Variants in ARHGAP25 observed in about 807,000 individuals in gnomAD.
The protein encoded by ARHGAP25 is Rho GTPase activating protein 25.
A neutral mutation model predicts 71.0 loss-of-function variants in ARHGAP25; 34 were observed. The observed-to-expected ratio is 0.48, with a 90% CI of 0.36 to 0.64. The LOEUF is 0.64. Among genes scored for constraint, ARHGAP25 ranks in the 30% least tolerant of loss-of-function variants. The pLI, the probability that ARHGAP25 is intolerant of heterozygous loss-of-function variation, is 0.00. For synonymous variants in ARHGAP25, 282 were observed against 296.5 expected, an observed-to-expected ratio of 0.95 and a Z score of 0.50; for missense variants, 706 against 805.1, an observed-to-expected ratio of 0.88 and a Z score of 1.49.
At chr2:68,737,997 A>G (rs1330144045) in intron 1 of ARHGAP25, among the ~76,000 whole-genome samples, 1 of 152,164 alleles carries the variant, frequency 6.6e-6, no homozygotes, top group Non-Finnish European at 1.5e-5. Context: ...AGTCTGACAG[A>G]TTTTCATGCA....
chr2:68,802,052 A>G (rs1350559259), intron 4 of ARHGAP25, among the ~76,000 whole-genome samples: 1 of 152,232 alleles, frequency 6.6e-6, no homozygotes, highest in Non-Finnish European at 1.5e-5. Flanking sequence ...TTGCAAAAGA[A>G]ACCATTATAA....
intron 2 of ARHGAP25, among the ~76,000 whole-genome samples, chr2:68,715,231 G>T (rs982207192): frequency 3.3e-5 from 5 of 152,182 alleles, no homozygotes; most frequent in African/African-American, 1.2e-4. Flanking sequence ...TGAAAAGTTG[G>T]TAGAAATGCA....
At chr2:68,733,053 G>A (rs1416490271), upstream of ARHGAP25, among the ~76,000 whole-genome samples, 1 of 152,206 alleles carries the variant, frequency 6.6e-6, no homozygotes, top group Non-Finnish European at 1.5e-5. Context: ...AGGTGTGAGT[G>A]TGGATGGAAA....
Position 68,794,123 on chromosome 2 carries a change from C to G in ARHGAP25, c.466+6167C>G, listed in dbSNP as rs771547464. Among the ~76,000 whole-genome samples, 92 of 152,034 alleles carry G rather than the reference C, an allele frequency of 6.1e-4. 1 individual carries two copies. The highest frequency in any genetic ancestry group is 2.2e-4 in the Non-Finnish European group (15 of 67,988). ...TGATTTTTGTATGTTGATTTTATAT[C>G]CTGAAACTTTACTGAAAGCATTTAT... is the stretch of plus-strand genomic sequence containing the variant. On this transcript the variant is annotated intron_variant, in intron 4 of 10. Coordinates refer to ENST00000409202, the MANE Select transcript of ARHGAP25 (RefSeq NM_001007231.3).
chr2:68,814,071 C>A (rs1681025677), intron 6 of ARHGAP25, among the ~76,000 whole-genome samples: 1 of 152,084 alleles, frequency 6.6e-6, no homozygotes, highest in South Asian at 2.1e-4. Flanking sequence ...GAAACCCAAC[C>A]AACAACAATA....
chr2:68,821,092 C>CTTTTTTTTTTTTTTTTTTTTTTT (rs34119311), intron 9 of ARHGAP25, among the ~76,000 whole-genome samples: 3 of 99,452 alleles, frequency 3.0e-5, no homozygotes, highest in African/African-American at 1.2e-4. Flanking sequence ...CTTTTTCTTT[C>CTTTTTTTTTTTTTTTTTTTTTTT]TTTTTTTTTT....
intron 2 of ARHGAP25, among the ~76,000 whole-genome samples, chr2:68,716,624 A>G (rs1674613844): frequency 6.6e-6 from 1 of 152,170 alleles, no homozygotes; most frequent in Admixed American, 6.5e-5. Flanking sequence ...GTGAAACTGA[A>G]ATTTCAGTTG....
intron 7 of ARHGAP25, among the ~76,000 whole-genome samples, chr2:68,817,556 A>T (rs190877562): frequency 1.3e-5 from 2 of 152,300 alleles, no homozygotes; most frequent in Admixed American, 6.5e-5. Flanking sequence ...AGACATGGGT[A>T]TGGGCAGATA....
intron 4 of ARHGAP25, among the ~76,000 whole-genome samples, chr2:68,789,318 G>A (rs1011299246): frequency 4.6e-5 from 7 of 152,314 alleles, no homozygotes; most frequent in East Asian, 3.9e-4. Flanking sequence ...GATTACAGGC[G>A]TGAGCCACCG....
At chr2:68,728,778 T>C (rs10180585) in intron 2 of ARHGAP25, among the ~76,000 whole-genome samples, 79,888 of 151,922 alleles carry the variant, frequency 0.53, 21,847 homozygotes, top group East Asian at 0.69. Flanking sequence ...ATAAATAAAA[T>C]TTAAAAAACT....
intron 1 of ARHGAP25, among the ~76,000 whole-genome samples, chr2:68,742,119 G>T (rs754731208): frequency 2.0e-5 from 3 of 152,060 alleles, no homozygotes; most frequent in South Asian, 2.1e-4. Context: ...TTTCCACGCC[G>T]TACTATCCAT....
At position 68,822,806 on chromosome 2, in the gene ARHGAP25, G is replaced by C; in HGVS notation, c.1667G>C (p.Arg556Thr). The C allele has an allele frequency of 1.2e-6, 2 of 1,614,172 alleles. No homozygotes were observed. The highest frequency in any genetic ancestry group is 1.7e-6 in the Non-Finnish European group (2 of 1,180,016). Residue 556 changes from arginine to threonine, a missense_variant, in exon 10 of 11, where the codon AGG becomes ACG. Transcript: ENST00000409202. ...SGEEEIDSLQ[R>T]MVQELRKEIE... is the part of the protein sequence containing the mutation. ...GAAGAGGAAATTGATTCTTTGCAGAGGATGGTCCAAGAGCTACGAAAGGAA... is the reference window on the plus strand; with the variant it reads ...GAAGAGGAAATTGATTCTTTGCAGACGATGGTCCAAGAGCTACGAAAGGAA...
chr2:68,730,887 A>G (rs575026874), upstream of ARHGAP25, among the ~76,000 whole-genome samples: 32 of 151,922 alleles, frequency 2.1e-4, no homozygotes, highest in South Asian at 2.3e-3. Context: ...CTTCCTGACT[A>G]TTGTCTCATG....
intron 1 of ARHGAP25, among the ~76,000 whole-genome samples, chr2:68,760,590 T>G (rs1676743662): frequency 6.6e-6 from 1 of 151,744 alleles, no homozygotes; most frequent in African/African-American, 2.4e-5. Flanking sequence ...TACAATACCA[T>G]CAAAAAGAAT....
intron 4 of ARHGAP25, among the ~76,000 whole-genome samples, chr2:68,806,781 C>T (rs1641703520): frequency 6.6e-6 from 1 of 152,214 alleles, no homozygotes; most frequent in Non-Finnish European, 1.5e-5. Context: ...TTATGCTTTA[C>T]TACTCTGTGA....
At chr2:68,775,504 G>A in intron 2 of ARHGAP25, 84 bp downstream of exon 2, 1 of 1,596,904 alleles carries the variant, frequency 6.3e-7, no homozygotes, top group Non-Finnish European at 8.6e-7. Context: ...AAACTCACAG[G>A]GGCCTTCTCA....
At chr2:68,720,846 G>A (rs1351348374) in intron 2 of ARHGAP25, among the ~76,000 whole-genome samples, 2 of 152,102 alleles carry the variant, frequency 1.3e-5, no homozygotes, top group South Asian at 2.1e-4. Flanking sequence ...GGCAAGGAGG[G>A]GCTCCTTAAA....
rs191632586 is a variant in ARHGAP25 at position 68,767,796 on chromosome 2, C to T, written c.62-7425C>T. ...TTTCTCTGTCACTGTGTTTTCGAGG[C>T]CTGCTGAGCCTTGCAGAGCATACAC... On this transcript the variant is annotated intron_variant, in intron 1 of 10. Coordinates refer to ENST00000409202, the MANE Select transcript of ARHGAP25 (RefSeq NM_001007231.3). The surrounding 1 kb of genome is among the most constrained non-coding windows in gnomAD (Gnocchi z 4.6). 2.1e-4 allele frequency among the ~76,000 whole-genome samples: 32 copies of T among 152,286 alleles called. No homozygotes were observed. The highest frequency in any genetic ancestry group is 7.2e-4 in the African/African-American group (30 of 41,560).
chr2:68,783,065 C>A (rs914293348), intron 3 of ARHGAP25, among the ~76,000 whole-genome samples: 1 of 152,214 alleles, frequency 6.6e-6, no homozygotes, highest in Non-Finnish European at 1.5e-5. Context: ...TTCTTCACCC[C>A]CTCCTTCCCA....
Sources: gnomAD v4.1 joint callset for allele counts (sites outside exome capture counted in the v4.1 genomes callset) on GRCh38, gnomAD v4.1.1 for gene constraint, Gnocchi (gnomAD v3.1) non-coding constraint, MANE v1.5 for transcripts, NCBI Gene and HGNC (gene_info 2026-07-23, HGNC 2026-07-21) for gene names.